PALS1: variants seen among roughly 807,000 people sequenced by gnomAD.
The protein encoded by PALS1 is protein associated with LIN7 1, MAGUK p55 family member.
PALS1 carries 31 observed loss-of-function variants against 78.9 expected under a neutral mutation model. The ratio of observed to expected loss-of-function variants is 0.39; its 90% CI spans 0.30 to 0.53. The LOEUF is 0.53. Ranked by LOEUF, PALS1 falls within the 20% of genes least tolerant of loss-of-function variation. PALS1 has a pLI of 0.67. For missense variants in PALS1, 704 were observed against 826.5 expected, an observed-to-expected ratio of 0.85 and a Z score of 1.82; for synonymous variants, 276 against 270.9, an observed-to-expected ratio of 1.02 and a Z score of -0.18.
At chr14:67,265,372 C>T (rs1298968160) in intron 1 of PALS1, among the ~76,000 whole-genome samples, 1 of 151,750 alleles carries the variant, frequency 6.6e-6, no homozygotes, top group East Asian at 1.9e-4. Flanking sequence ...GACTGGGCAA[C>T]ATACTGAGAC....
chr14:67,283,168 C>A (rs1186281620), intron 3 of PALS1, among the ~76,000 whole-genome samples: 1 of 152,080 alleles, frequency 6.6e-6, no homozygotes, highest in African/African-American at 2.4e-5. Flanking sequence ...GAAGGAAAAA[C>A]ACACCACGGG....
intron 14 of PALS1, among the ~76,000 whole-genome samples, chr14:67,331,024 T>G (rs2085440700): frequency 6.6e-6 from 1 of 152,040 alleles, no homozygotes; most frequent in Non-Finnish European, 1.5e-5. Flanking sequence ...TTTATTCTAC[T>G]TAAGTTTTTT....
rs564088808 is a variant in PALS1, at chr14:67,317,441, A to G, written c.1331A>G (p.Lys444Arg). Residue 444 changes from lysine to arginine, a missense_variant, in exon 11 of 15, where the codon AAG becomes AGG. Coordinates refer to ENST00000261681, the MANE Select transcript of PALS1 (RefSeq NM_022474.4). ...TGGTGTGCAAAGAAGAATAAAAAGA[A>G]GAGGAAAAAGGTTTTATATAATGCC... ...KLWCAKKNKK[K>R]RKKVLYNANK... is the part of the protein sequence containing the mutation. The G allele has an allele frequency of 6.2e-7, 1 of 1,612,506 alleles. No individual in the cohort carries two copies. The highest frequency in any genetic ancestry group is 1.1e-5 in the South Asian group (1 of 90,918).
intron 11 of PALS1, among the ~76,000 whole-genome samples, chr14:67,317,955 AG>A (rs1261799099): frequency 6.6e-6 from 1 of 152,214 alleles, no homozygotes; most frequent in African/African-American, 2.4e-5. Context: ...ATGTTGGGCT[AG>A]TATTCCTAGG....
chr14:67,320,162 A>G (rs1015573063), intron 11 of PALS1, 68 bp from the exon 12 acceptor site: 15 of 1,420,496 alleles, frequency 1.1e-5, no homozygotes, highest in South Asian at 1.0e-4. Context: ...GTGAAGATCT[A>G]TGAGTATTTA....
chr14:67,243,996 A>G (rs1029017843), intron 1 of PALS1, among the ~76,000 whole-genome samples: 5 of 152,136 alleles, frequency 3.3e-5, no homozygotes, highest in Non-Finnish European at 1.5e-5. Context: ...TCCATATTCT[A>G]AGTCTCCATA....
intron 14 of PALS1, among the ~76,000 whole-genome samples, chr14:67,326,630 C>T (rs1002931423): frequency 1.3e-5 from 2 of 151,760 alleles, no homozygotes; most frequent in African/African-American, 4.8e-5. Flanking sequence ...AAGTTAATAC[C>T]CCTCCATTCT....
intron 3 of PALS1, among the ~76,000 whole-genome samples, chr14:67,284,435 A>AAAAACAAAAAAAAAAAAAAAAC (rs2084646863): frequency 6.8e-6 from 1 of 148,120 alleles, no homozygotes; most frequent in African/African-American, 2.5e-5. Flanking sequence ...CTCTTAAAAA[A>AAAAACAAAAAAAAAAAAAAAAC]AAAAAAAAAC....
rs771403129 is a variant in PALS1 at position 67,323,718 on chromosome 14, G to A, written c.1757G>A (p.Arg586Gln). Reference sequence around the variant, plus strand: ...TCTTTACAGTCATTGAAGACTCTCCGGAATTCAGATTTGAAACCATATATT... The same window carrying A: ...TCTTTACAGTCATTGAAGACTCTCCAGAATTCAGATTTGAAACCATATATT... Reference protein sequence around the residue: ...SLRTQSLKTLRNSDLKPYIIF... With the variant: ...SLRTQSLKTLQNSDLKPYIIF... The change falls in exon 14 of 15, where the codon CGG becomes CAG. Residue 586 changes from arginine to glutamine, a missense_variant. Coordinates refer to ENST00000261681, the MANE Select transcript of PALS1 (RefSeq NM_022474.4). 1.2e-5 allele frequency: 19 copies of A among 1,578,078 alleles called. No individual in the cohort carries two copies. Among genetic ancestry groups the A allele is most frequent in the African/African-American group, 5.5e-5 (4 of 72,660 alleles).
chr14:67,282,989 T>G (rs1423107802), intron 3 of PALS1, among the ~76,000 whole-genome samples: 5 of 152,142 alleles, frequency 3.3e-5, no homozygotes, highest in African/African-American at 1.2e-4. Flanking sequence ...TAGGGATGAC[T>G]GCCATCTATC....
intron 1 of PALS1, among the ~76,000 whole-genome samples, chr14:67,261,926 G>A (rs937233935): frequency 6.6e-6 from 1 of 152,068 alleles, no homozygotes; most frequent in Non-Finnish European, 1.5e-5. Context: ...AATTTTCTCT[G>A]ATCATATTTT....
chr14:67,322,784 A>C (rs150844539), intron 13 of PALS1, among the ~76,000 whole-genome samples: 306 of 152,320 alleles, frequency 2.0e-3, no homozygotes, highest in African/African-American at 6.9e-3. Flanking sequence ...TATTGTTTTA[A>C]TCATCTTAAT....
intron 4 of PALS1, among the ~76,000 whole-genome samples, chr14:67,300,555 T>C (rs2084917375): frequency 6.6e-6 from 1 of 152,194 alleles, no homozygotes. Context: ...CTCGAACTCC[T>C]GACCTCAAGT....
At chr14:67,325,890 C>T (rs1326252315) in intron 14 of PALS1, among the ~76,000 whole-genome samples, 1 of 151,562 alleles carries the variant, frequency 6.6e-6, no homozygotes, top group African/African-American at 2.4e-5. Flanking sequence ...CTCACTGCAA[C>T]CTCCGCCTCC....
At chr14:67,286,879 A>G (rs976386261) in intron 3 of PALS1, among the ~76,000 whole-genome samples, 3 of 151,292 alleles carry the variant, frequency 2.0e-5, no homozygotes, top group African/African-American at 4.9e-5. Context: ...AAAAAAGAAA[A>G]AAACTGTTCT....
At chr14:67,268,854 T>C (rs1209661832) in intron 1 of PALS1, among the ~76,000 whole-genome samples, 1 of 152,148 alleles carries the variant, frequency 6.6e-6, no homozygotes, top group Non-Finnish European at 1.5e-5. Context: ...CTCAGCCTTA[T>C]TTTACCCAGC....
chr14:67,248,896 G>A (rs1453239377), intron 1 of PALS1, among the ~76,000 whole-genome samples: 1 of 152,120 alleles, frequency 6.6e-6, no homozygotes, highest in Non-Finnish European at 1.5e-5. Flanking sequence ...CATGACCCAA[G>A]TGATCCTCCC....
chr14:67,273,012 T>C (rs1288885190), intron 2 of PALS1, among the ~76,000 whole-genome samples: 1 of 149,680 alleles, frequency 6.7e-6, no homozygotes, highest in African/African-American at 2.6e-5. Flanking sequence ...TTCTTCATTC[T>C]CACTGTCCTA....
At position 67,290,678 on chromosome 14, in the gene PALS1, G is replaced by A. The variant is rs373568640; in HGVS notation, c.368-1833G>A. ...ATCCCAAAGTGCTGGGAACACAGGC[G>A]TGAGCCACTGTGCCTAGACATTTTT... On this transcript the variant is annotated intron_variant, in intron 3 of 14. Transcript: ENST00000261681. Among the ~76,000 whole-genome samples the A allele has an allele frequency of 9.2e-5, 14 of 151,908 alleles. No individual in the cohort carries two copies. The East Asian group carries it at 2.5e-3, about 27-fold the overall frequency.
Sources: gnomAD v4.1 joint callset for allele counts (sites outside exome capture counted in the v4.1 genomes callset) on GRCh38, gnomAD v4.1.1 for gene constraint, MANE v1.5 for transcripts, NCBI Gene and HGNC (gene_info 2026-07-23, HGNC 2026-07-21) for gene names.